Variants in DMD observed in about 807,000 individuals in gnomAD.
The protein encoded by DMD is dystrophin.
Under a neutral mutation model 330.1 loss-of-function variants are expected in DMD, and 63 were observed. That is an observed-to-expected ratio of 0.19 (90% CI 0.16 to 0.24). The LOEUF (loss-of-function observed/expected upper bound fraction) is 0.24. DMD is among the 10% of genes least tolerant of loss of function. The pLI is 1.00. For missense variants in DMD, 3,344 were observed against 2,684.1 expected (o/e 1.25, Z -5.43); for synonymous variants, 1,223 against 959.8 (o/e 1.27, Z -5.07).
chrX:32,397,411 A>G (rs1350456642), intron 30 of DMD, among the ~76,000 whole-genome samples: 2 of 111,961 alleles, frequency 1.8e-5, no homozygotes, highest in African/African-American at 3.2e-5. Context: ...CATATGCTCT[A>G]TGAGGTGTTC....
At chrX:32,377,860 GAATCTGAA>G (rs1267928333) in intron 34 of DMD, among the ~76,000 whole-genome samples, 1 of 110,606 alleles carries the variant, frequency 9.0e-6, no homozygotes, top group Non-Finnish European at 1.9e-5. Flanking sequence ...ATAAAATAGA[GAATCTGAA>G]AATCTGAAAA....
At chrX:32,695,041 T>C (rs925135745) in intron 9 of DMD, among the ~76,000 whole-genome samples, 1 of 112,139 alleles carries the variant, frequency 8.9e-6, no homozygotes, top group Non-Finnish European at 1.9e-5. Context: ...CAGACACAGA[T>C]TGTTTTGCAT....
chrX:31,906,651 A>T (rs1379195215), intron 47 of DMD, among the ~76,000 whole-genome samples: 2 of 112,276 alleles, frequency 1.8e-5, no homozygotes, highest in Non-Finnish European at 3.8e-5. Flanking sequence ...CATTGAGTGA[A>T]CATATTATCA....
intron 37 of DMD, among the ~76,000 whole-genome samples, chrX:32,361,793 GCAT>G (rs1176587164): frequency 1.8e-5 from 2 of 110,392 alleles, no homozygotes; most frequent in Non-Finnish European, 3.8e-5. Context: ...CTGACATACT[GCAT>G]CATATTTTCT....
intron 74 of DMD, among the ~76,000 whole-genome samples, chrX:31,168,649 C>T (rs1002691558): frequency 4.5e-5 from 5 of 111,929 alleles, no homozygotes; most frequent in Non-Finnish European, 9.4e-5. Flanking sequence ...CAAATCTGAG[C>T]AACATCTACT....
intron 55 of DMD, among the ~76,000 whole-genome samples, chrX:31,518,712 C>T (rs1337653120): frequency 9.1e-6 from 1 of 110,387 alleles, no homozygotes; most frequent in Non-Finnish European, 1.9e-5. Flanking sequence ...TACTTACAGC[C>T]CTTATAAATC....
chrX:32,065,201 G>A lies in DMD; in HGVS notation c.6439-96687C>T, dbSNP rs181208241. 9.4e-3 allele frequency among the ~76,000 whole-genome samples: 1,041 copies of A among 111,214 alleles called. 8 individuals are homozygous for A. The highest frequency in any genetic ancestry group is 0.019 in the Middle Eastern group (4 of 214). ...TTGAGAAGTTGAGCTGATTGTCTAC[G>A]TAATAAATCACACCACAGGAACATG... On this transcript the variant is annotated intron_variant, in intron 44 of 78. Transcript: ENST00000357033.
intron 7 of DMD, among the ~76,000 whole-genome samples, chrX:32,797,493 AATT>A (rs2076260084): frequency 8.9e-6 from 1 of 112,659 alleles, no homozygotes; most frequent in African/African-American, 3.2e-5. Flanking sequence ...GCCAAGGCAA[AATT>A]CTGTGACAAG....
intron 52 of DMD, among the ~76,000 whole-genome samples, chrX:31,693,858 G>A (rs189670298): frequency 3.6e-5 from 4 of 111,453 alleles, no homozygotes; most frequent in African/African-American, 6.5e-5. Context: ...CTAAAGATTC[G>A]ACACAATACT....
At chrX:32,426,311 T>G (rs1418689557) in intron 29 of DMD, among the ~76,000 whole-genome samples, 1 of 111,550 alleles carries the variant, frequency 9.0e-6, no homozygotes, top group Non-Finnish European at 1.9e-5. Context: ...CCATTAAAAA[T>G]GGGCAAAGGA....
intron 27 of DMD, among the ~76,000 whole-genome samples, chrX:32,444,013 G>A (rs1020066593): frequency 4.5e-5 from 5 of 110,487 alleles, no homozygotes; most frequent in East Asian, 5.7e-4. Context: ...AGAGGGAAAT[G>A]AAAGTAGAAA....
In DMD at chrX:32,397,097, T is replaced by TA. The variant is rs2098050148; in HGVS notation, c.4234-6917dup. Among the ~76,000 whole-genome samples, 5 of 111,045 alleles carry TA rather than the reference T, an allele frequency of 4.5e-5. No homozygotes were observed. The Admixed American group carries it at 4.8e-4, about 11-fold the overall frequency. On this transcript the variant is annotated intron_variant, in intron 30 of 78. Transcript: ENST00000357033. ...ATTATGAGAATATGATGAAAGAAAA[T>TA]AAAATTGTGGAAGAAAACATTGGGG...
chrX:32,808,133 G>A (rs930182579), intron 7 of DMD, among the ~76,000 whole-genome samples: 1 of 111,521 alleles, frequency 9.0e-6, no homozygotes, highest in African/African-American at 3.3e-5. Flanking sequence ...AACTAAGGAC[G>A]TAGGATTAAT....
At chrX:31,918,094 T>C (rs374096833) in intron 47 of DMD, among the ~76,000 whole-genome samples, 2 of 113,022 alleles carry the variant, frequency 1.8e-5, no homozygotes, top group East Asian at 5.5e-4. Context: ...TGAGAAGTTC[T>C]GCTCTACGTG....
At chrX:31,762,431 T>C (rs1396046883) in intron 51 of DMD, among the ~76,000 whole-genome samples, 2 of 110,611 alleles carry the variant, frequency 1.8e-5, no homozygotes, top group Non-Finnish European at 3.8e-5. Context: ...TAGCTGGGCG[T>C]GGTGGTGCGT....
At chrX:32,486,306 C>T (rs991460783) in intron 20 of DMD, among the ~76,000 whole-genome samples, 6 of 111,718 alleles carry the variant, frequency 5.4e-5, no homozygotes, top group Non-Finnish European at 1.1e-4. Flanking sequence ...TTTTTAAATA[C>T]TGATTACACT....
intron 55 of DMD, among the ~76,000 whole-genome samples, chrX:31,598,395 A>C (rs1235817865): frequency 9.0e-6 from 1 of 111,586 alleles, no homozygotes; most frequent in Non-Finnish European, 1.9e-5. Flanking sequence ...AATTGCTGGG[A>C]TTACAGTCGT....
At chrX:32,251,533 C>G (rs750249144) in intron 43 of DMD, among the ~76,000 whole-genome samples, 1 of 111,756 alleles carries the variant, frequency 8.9e-6, no homozygotes, top group East Asian at 2.8e-4. Context: ...ACTAATAGCT[C>G]CATTAACATA....
At chrX:31,663,680 C>T (rs1325222121) in intron 53 of DMD, among the ~76,000 whole-genome samples, 2 of 111,367 alleles carry the variant, frequency 1.8e-5, no homozygotes, top group Non-Finnish European at 3.8e-5. Flanking sequence ...CTGGGATCCT[C>T]CTCCACATAC....
Sources: gnomAD v4.1 joint callset for allele counts (sites outside exome capture counted in the v4.1 genomes callset) on GRCh38, gnomAD v4.1.1 for gene constraint, MANE v1.5 for transcripts, NCBI Gene and HGNC (gene_info 2026-07-23, HGNC 2026-07-21) for gene names.